Variants in CKAP5 observed in about 807,000 individuals in gnomAD.
CKAP5 encodes the protein cytoskeleton associated protein 5.
A neutral mutation model predicts 232.8 loss-of-function variants in CKAP5; 27 were observed. The ratio of observed to expected loss-of-function variants is 0.12; its 90% confidence interval spans 0.09 to 0.16. CKAP5 has a LOEUF of 0.16. Ranked by LOEUF, CKAP5 falls within the 10% of genes least tolerant of loss-of-function variation. The pLI is 1.00. For missense variants in CKAP5, 1,838 were observed against 2,424.7 expected, an observed-to-expected ratio of 0.76 and a Z score of 5.08; for synonymous variants, 785 against 841.1, an observed-to-expected ratio of 0.93 and a Z score of 1.16.
chr11:46,833,861 T>A (rs542508456), intron 1 of CKAP5, among the ~76,000 whole-genome samples: 1 of 151,802 alleles, frequency 6.6e-6, no homozygotes, highest in Non-Finnish European at 1.5e-5. Context: ...TATTATTATA[T>A]TATTATTATT....
intron 23 of CKAP5, among the ~76,000 whole-genome samples, chr11:46,777,010 G>A (rs1397041692): frequency 6.6e-6 from 1 of 152,052 alleles, no homozygotes; most frequent in Non-Finnish European, 1.5e-5. Context: ...TAATAGTTCA[G>A]AAAAATAAAA....
At chr11:46,843,177 TG>T (rs1940102581) in intron 1 of CKAP5, among the ~76,000 whole-genome samples, 1 of 151,734 alleles carries the variant, frequency 6.6e-6, no homozygotes, top group Non-Finnish European at 1.5e-5. Flanking sequence ...TTGGAGAAAT[TG>T]TAAGTCAGGA....
chr11:46,787,593 C>G (rs2065406606), intron 16 of CKAP5, among the ~76,000 whole-genome samples: 1 of 152,054 alleles, frequency 6.6e-6, no homozygotes, highest in Non-Finnish European at 1.5e-5. Flanking sequence ...AATTTAAGGA[C>G]TGCACTTATT....
rs2065054558 is a variant in CKAP5, at chr11:46,750,418, A to G, written c.5560T>C (p.Tyr1854His). The change falls in exon 42 of 44, where the codon TAT (tyrosine) becomes CAT (histidine). Residue 1854 changes from tyrosine (Y) to histidine (H), a missense_variant. By Grantham distance (83) the Tyr-to-His change is moderately conservative. Around this residue, in one of 6 missense-constraint regions of CKAP5, gnomAD observed 579 missense variants for 843.2 expected, o/e 0.69. Coordinates refer to ENST00000529230, the MANE Select transcript of CKAP5 (RefSeq NM_001008938.4). ...ENTKEGLAEL[Y>H]EYKKKYSDAD... The stretch of plus-strand genomic sequence containing the variant: ...TCTGAGTATTTCTTCTTATATTCAT[A>G]TAACTCTGCTAGTCCCTGGTGAACA... The G allele has an allele frequency of 1.2e-6, 2 of 1,614,176 alleles. No individual in the cohort carries two copies. The highest frequency in any genetic ancestry group is 1.7e-6 in the Non-Finnish European group (2 of 1,180,000).
intron 1 of CKAP5, among the ~76,000 whole-genome samples, chr11:46,833,840 C>T (rs996429937): frequency 2.6e-5 from 4 of 151,888 alleles, no homozygotes; most frequent in Admixed American, 2.6e-4. Flanking sequence ...CCACAGCTAT[C>T]ATTACTATAT....
At chr11:46,775,637 A>T (rs1592449514) in intron 24 of CKAP5, among the ~76,000 whole-genome samples, 1 of 150,292 alleles carries the variant, frequency 6.7e-6, no homozygotes, top group Non-Finnish European at 1.5e-5. Flanking sequence ...AATACTATGC[A>T]ACCACAGAAG....
intron 36 of CKAP5, among the ~76,000 whole-genome samples, chr11:46,753,711 C>T (rs537931968): frequency 2.2e-4 from 33 of 151,948 alleles, no homozygotes; most frequent in South Asian, 2.1e-3. Flanking sequence ...CTCAGTCTCC[C>T]GAGTAGCTGG....
rs115331686 is a variant in CKAP5, at chr11:46,780,302, G to T, written c.2325C>A (p.Ala775=). 1.2e-6 allele frequency: 2 copies of T among 1,613,920 alleles called. No individual in the cohort carries two copies. The highest frequency in any genetic ancestry group is 2.7e-5 in the African/African-American group (2 of 74,920). The change falls in exon 20 of 44, where the codon GCC becomes GCA. Residue 775 remains alanine (A), a synonymous_variant. Coordinates refer to ENST00000529230, the MANE Select transcript of CKAP5 (RefSeq NM_001008938.4). ...AATNPAVRTA[A]ITLLGVMYLY... ...GATACATCACGCCAAGCAGGGTTAT[G>T]GCAGCAGTCCTCACAGCCTGCCAGA... is the stretch of plus-strand genomic sequence containing the variant.
In CKAP5 at chr11:46,744,417, GA is replaced by G. The variant is rs1373806260; in HGVS notation, c.5856+8del. On this transcript the variant is annotated splice_region_variant and intron_variant, in intron 43 of 43. Transcript: ENST00000529230. Reference sequence around the variant, plus strand: ...CTCCCTGAACTGCACAGAAGAAAAGGAGCAGTACCTTTGTGTTGTCCAGACC... The same window carrying G: ...CTCCCTGAACTGCACAGAAGAAAAGGGCAGTACCTTTGTGTTGTCCAGACC... The G allele has an allele frequency of 1.9e-6, 3 of 1,613,980 alleles. No individual in the cohort carries two copies. Among genetic ancestry groups the G allele is most frequent in the Non-Finnish European group, 2.5e-6 (3 of 1,180,036 alleles).
At chr11:46,767,006 C>A (rs1378268541) in intron 27 of CKAP5, among the ~76,000 whole-genome samples, 1 of 151,332 alleles carries the variant, frequency 6.6e-6, no homozygotes, top group East Asian at 1.9e-4. Context: ...GTTTATTATG[C>A]CAGAGCTACA....
chr11:46,752,193 T>TATATATATATACATAC (rs1408030107), intron 38 of CKAP5, among the ~76,000 whole-genome samples: 1 of 66,574 alleles, frequency 1.5e-5, no homozygotes, highest in African/African-American at 5.1e-5. Flanking sequence ...TATATATATA[T>TATATATATATACATAC]ACACACACAC....
At chr11:46,775,622 C>G (rs2065283869) in intron 24 of CKAP5, among the ~76,000 whole-genome samples, 1 of 152,052 alleles carries the variant, frequency 6.6e-6, no homozygotes, top group South Asian at 2.1e-4. Flanking sequence ...ACATATACAC[C>G]ATGGAATACT....
chr11:46,836,087 G>A (rs1939911676), intron 1 of CKAP5, among the ~76,000 whole-genome samples: 1 of 152,180 alleles, frequency 6.6e-6, no homozygotes, highest in Admixed American at 6.5e-5. Flanking sequence ...AACAAGGAAG[G>A]ACTGAGAAAT....
chr11:46,760,365 G>A (rs1435514545), intron 33 of CKAP5: 10 of 646,768 alleles, frequency 1.5e-5, no homozygotes, highest in Non-Finnish European at 2.0e-5. Flanking sequence ...CTATAAGTGC[G>A]ATACATAATT....
intron 23 of CKAP5, among the ~76,000 whole-genome samples, chr11:46,777,002 A>G (rs897071633): frequency 6.6e-6 from 1 of 152,188 alleles, no homozygotes; most frequent in Non-Finnish European, 1.5e-5. Flanking sequence ...TCCCACTCTA[A>G]TAGTTCAGAA....
intron 13 of CKAP5, among the ~76,000 whole-genome samples, chr11:46,794,753 T>C (rs1292143016): frequency 6.6e-6 from 1 of 152,186 alleles, no homozygotes; most frequent in Non-Finnish European, 1.5e-5. Flanking sequence ...GGAGGATCAC[T>C]TGAGCCTGGG....
chr11:46,821,731 T>A (rs539428677), intron 1 of CKAP5, among the ~76,000 whole-genome samples: 2 of 151,398 alleles, frequency 1.3e-5, no homozygotes, highest in South Asian at 4.2e-4. Flanking sequence ...CCAATAGAAT[T>A]TTTTTTTTAA....
At chr11:46,808,898 A>G (rs763195586) in intron 7 of CKAP5, among the ~76,000 whole-genome samples, 4 of 152,210 alleles carry the variant, frequency 2.6e-5, no homozygotes, top group African/African-American at 9.6e-5. Context: ...GTGTTTCTCA[A>G]CTGGGGATGA....
rs937817271 is a variant in CKAP5 at position 46,775,676 on chromosome 11, C to T, written c.2991+579G>A. On this transcript the variant is annotated intron_variant, in intron 24 of 43. Coordinates refer to ENST00000529230, the MANE Select transcript of CKAP5 (RefSeq NM_001008938.4). ...AATGAGTTCGTGTCCTTTGCAGGGACATTGATGAAGCTGGAAACCGTCATT... is the reference window on the plus strand; with the variant it reads ...AATGAGTTCGTGTCCTTTGCAGGGATATTGATGAAGCTGGAAACCGTCATT... 4.0e-5 allele frequency among the ~76,000 whole-genome samples: 6 copies of T among 149,598 alleles called. 1 individual carries two copies. The Admixed American group carries it at 4.0e-4, about 10-fold the overall frequency.
Sources: gnomAD v4.1 joint callset for allele counts (sites outside exome capture counted in the v4.1 genomes callset) on GRCh38, gnomAD v4.1.1 for gene constraint, gnomAD v4.1.1 regional missense constraint, MANE v1.5 for transcripts, NCBI Gene and HGNC (gene_info 2026-07-23, HGNC 2026-07-21) for gene names.